MITF: variants seen among roughly 807,000 people sequenced by gnomAD.
MITF encodes the protein melanocyte inducing transcription factor.
Under a neutral mutation model 60.5 loss-of-function variants are expected in MITF, and 17 were observed. The ratio of observed to expected loss-of-function variants is 0.28; its 90% CI spans 0.19 to 0.42. The LOEUF is 0.42. MITF is among the 10% of genes least tolerant of loss of function. The pLI, the probability that MITF is intolerant of heterozygous loss-of-function variation, is 1.00. For synonymous variants in MITF, 260 were observed against 248.5 expected (o/e 1.05, Z -0.43); for missense variants, 622 against 683.5 (o/e 0.91, Z 1.00).
chr3:69,792,340 G>A (rs1192199772), intron 1 of MITF, among the ~76,000 whole-genome samples: 1 of 152,148 alleles, frequency 6.6e-6, no homozygotes, highest in East Asian at 1.9e-4. Flanking sequence ...AGGAACAACA[G>A]ATTCAAGTTT....
intron 1 of MITF, among the ~76,000 whole-genome samples, chr3:69,839,261 C>T (rs960263526): frequency 1.3e-5 from 2 of 151,620 alleles, no homozygotes; most frequent in African/African-American, 4.8e-5. Context: ...TTCTCCAAGC[C>T]GTTACAAATG....
At chr3:69,817,197 G>A (rs1286128404) in intron 1 of MITF, among the ~76,000 whole-genome samples, 2 of 152,048 alleles carry the variant, frequency 1.3e-5, no homozygotes, top group Non-Finnish European at 1.5e-5. Context: ...TGCAAACATA[G>A]GTGTGTTTAT....
chr3:69,760,857 A>C (rs1403465254), intron 1 of MITF, among the ~76,000 whole-genome samples: 2 of 152,190 alleles, frequency 1.3e-5, no homozygotes, highest in Non-Finnish European at 2.9e-5. Context: ...CAAGCATTGG[A>C]AATTAGCATA....
intron 1 of MITF, among the ~76,000 whole-genome samples, chr3:69,787,206 G>A (rs1282786741): frequency 6.6e-6 from 1 of 152,136 alleles, no homozygotes; most frequent in East Asian, 1.9e-4. Context: ...TGGGTTTTAG[G>A]CTGGTTAGTA....
At chr3:69,767,828 A>G (rs1032467336) in intron 1 of MITF, among the ~76,000 whole-genome samples, 2 of 152,180 alleles carry the variant, frequency 1.3e-5, no homozygotes, top group South Asian at 4.1e-4. Context: ...CACAGAGGCC[A>G]GTTAGGATGG....
chr3:69,751,793 A>G (rs946618958), intron 1 of MITF, among the ~76,000 whole-genome samples: 9 of 152,096 alleles, frequency 5.9e-5, no homozygotes, highest in African/African-American at 2.2e-4. Context: ...TGTCTCTACC[A>G]TATCTCATGT....
intron 1 of MITF, among the ~76,000 whole-genome samples, chr3:69,743,254 C>T (rs1267016643): frequency 6.6e-6 from 1 of 152,196 alleles, no homozygotes; most frequent in Non-Finnish European, 1.5e-5. Flanking sequence ...GCAAAGTACC[C>T]TCATTTCAGA....
At chr3:69,752,700 G>A (rs1325100354) in intron 1 of MITF, among the ~76,000 whole-genome samples, 2 of 152,184 alleles carry the variant, frequency 1.3e-5, no homozygotes, top group Non-Finnish European at 2.9e-5. Context: ...GAGTATAAAA[G>A]TTTGGAAAAT....
intron 1 of MITF, among the ~76,000 whole-genome samples, chr3:69,866,633 T>C (rs538629668): frequency 1.1e-4 from 16 of 152,230 alleles, no homozygotes; most frequent in African/African-American, 3.1e-4. Flanking sequence ...AAGTTAATAA[T>C]GACAAAAATA....
chr3:69,823,848 G>C (rs374116872), intron 1 of MITF, among the ~76,000 whole-genome samples: 1 of 152,150 alleles, frequency 6.6e-6, no homozygotes, highest in Non-Finnish European at 1.5e-5. Flanking sequence ...CTGAGTGGTA[G>C]CCTATGATTT....
chr3:69,760,076 C>A (rs144118488), intron 1 of MITF, among the ~76,000 whole-genome samples: 1 of 152,342 alleles, frequency 6.6e-6, no homozygotes, highest in Non-Finnish European at 1.5e-5. Flanking sequence ...CTGCGCCCAG[C>A]CCTGATCTCT....
At chr3:69,797,796 A>G (rs921796085) in intron 1 of MITF, among the ~76,000 whole-genome samples, 1 of 152,184 alleles carries the variant, frequency 6.6e-6, no homozygotes, top group African/African-American at 2.4e-5. Flanking sequence ...GGTTATCTTT[A>G]TCTTTTTGCA....
intron 9 of MITF, among the ~76,000 whole-genome samples, chr3:69,961,156 G>A (rs967741549): frequency 6.6e-6 from 1 of 152,078 alleles, no homozygotes; most frequent in Non-Finnish European, 1.5e-5. Flanking sequence ...AGGCCAAGGC[G>A]GGTGGATCAC....
At chr3:69,823,956 A>G (rs922771328) in intron 1 of MITF, among the ~76,000 whole-genome samples, 2 of 152,218 alleles carry the variant, frequency 1.3e-5, no homozygotes. Context: ...CCAAATACAT[A>G]TAGGCTTGAA....
intron 1 of MITF, among the ~76,000 whole-genome samples, chr3:69,815,119 A>G (rs2063160838): frequency 1.3e-5 from 2 of 152,192 alleles, no homozygotes; most frequent in African/African-American, 2.4e-5. Context: ...CATAAATACA[A>G]TATGACCCAA....
intron 1 of MITF, among the ~76,000 whole-genome samples, chr3:69,802,761 G>A (rs781725321): frequency 1.2e-4 from 18 of 144,840 alleles, no homozygotes; most frequent in Non-Finnish European, 2.1e-4. Flanking sequence ...GTGTGATCTC[G>A]GCTTACTGCA....
intron 2 of MITF, among the ~76,000 whole-genome samples, chr3:69,922,784 A>T (rs1575970290): frequency 6.6e-6 from 1 of 152,302 alleles, no homozygotes; most frequent in East Asian, 1.9e-4. Context: ...TTGAGTCTGG[A>T]AGATTGTTTG....
chr3:69,758,043 CTATA>C (rs1276115700), intron 1 of MITF, among the ~76,000 whole-genome samples: 1 of 103,776 alleles, frequency 9.6e-6, no homozygotes, highest in Non-Finnish European at 1.9e-5. Flanking sequence ...GTGTGTGTGT[CTATA>C]TATATAATAC....
chr3:69,773,884 T>G (rs1048280118), intron 1 of MITF, among the ~76,000 whole-genome samples: 1 of 152,180 alleles, frequency 6.6e-6, no homozygotes, highest in Non-Finnish European at 1.5e-5. Context: ...TTGTAGAGTA[T>G]TGCACTGAGC....
Sources: allele counts gnomAD v4.1 joint callset (sites outside exome capture counted in the v4.1 genomes callset), GRCh38; gene constraint gnomAD v4.1.1; transcripts MANE v1.5; gene names NCBI Gene and HGNC (gene_info 2026-07-23, HGNC 2026-07-21).